Variants in KIAA1549L observed in about 807,000 individuals in gnomAD.
KIAA1549L encodes the protein KIAA1549 like.
KIAA1549L carries 88 observed loss-of-function variants against 160.7 expected under a neutral mutation model. The ratio of observed to expected loss-of-function variants is 0.55; its 90% confidence interval spans 0.46 to 0.65. KIAA1549L has a LOEUF of 0.65. Among genes scored for constraint, KIAA1549L ranks in the 30% least tolerant of loss-of-function variants. KIAA1549L has a pLI of 0.00. For synonymous variants in KIAA1549L, 950 were observed against 976.7 expected (o/e 0.97, Z 0.51); for missense variants, 2,258 against 2,437.5 (o/e 0.93, Z 1.55).
intron 1 of KIAA1549L, among the ~76,000 whole-genome samples, chr11:33,445,192 G>A (rs991567979): frequency 2.0e-5 from 3 of 152,186 alleles, no homozygotes; most frequent in African/African-American, 7.2e-5. Flanking sequence ...TCTGATGAGG[G>A]CACCATTCTT....
At chr11:33,472,275 CT>C (rs76771436) in intron 1 of KIAA1549L, among the ~76,000 whole-genome samples, 6,230 of 102,730 alleles carry the variant, frequency 0.061, 211 homozygotes, top group African/African-American at 0.17. Flanking sequence ...TCATGCCTGG[CT>C]TTTTTTTTTT....
chr11:33,592,848 G>T (rs149502475), intron 12 of KIAA1549L, among the ~76,000 whole-genome samples: 2 of 152,290 alleles, frequency 1.3e-5, no homozygotes, highest in African/African-American at 4.8e-5. Flanking sequence ...CCTGATTGAG[G>T]TATAAACCAC....
chr11:33,538,943 C>T (rs182540542), intron 1 of KIAA1549L, among the ~76,000 whole-genome samples: 1 of 152,204 alleles, frequency 6.6e-6, no homozygotes, highest in South Asian at 2.1e-4. Context: ...GGAAGTGCCC[C>T]CGTCCTGTTC....
At chr11:33,417,646 CT>C (rs1850915183) in intron 1 of KIAA1549L, among the ~76,000 whole-genome samples, 1 of 152,202 alleles carries the variant, frequency 6.6e-6, no homozygotes. Context: ...GGCTGCATTT[CT>C]CACATCCTCG....
intron 4 of KIAA1549L, among the ~76,000 whole-genome samples, chr11:33,548,188 C>T (rs1854329654): frequency 6.6e-6 from 1 of 152,116 alleles, no homozygotes; most frequent in Non-Finnish European, 1.5e-5. Context: ...CACTTGGGGT[C>T]AGGAGTTTGA....
chr11:33,509,336 C>T (rs999186170), intron 1 of KIAA1549L, among the ~76,000 whole-genome samples: 1 of 152,174 alleles, frequency 6.6e-6, no homozygotes, highest in Non-Finnish European at 1.5e-5. Context: ...GTACTTGCTC[C>T]CTGCTTATTC....
intron 4 of KIAA1549L, 31 bp downstream of exon 4, chr11:33,547,910 C>T (rs769252239): frequency 1.4e-6 from 2 of 1,384,834 alleles, no homozygotes; most frequent in Non-Finnish European, 2.0e-6. Context: ...CCAAGCTAAT[C>T]CATCACAGTC....
At chr11:33,666,877 A>T (rs148689872) in intron 20 of KIAA1549L, among the ~76,000 whole-genome samples, 101 of 152,326 alleles carry the variant, frequency 6.6e-4, no homozygotes, top group African/African-American at 2.3e-3. Context: ...TCTGCAAGGT[A>T]AGGCTAATAC....
chr11:33,594,554 A>T lies in KIAA1549L; in HGVS notation c.4751+3133A>T, dbSNP rs142326441. 6.0e-3 allele frequency among the ~76,000 whole-genome samples: 907 copies of T among 152,292 alleles called. 10 individuals are homozygous for T. Among genetic ancestry groups the T allele is most frequent in the Non-Finnish European group, 0.011 (746 of 68,032 alleles). On this transcript the variant is annotated intron_variant, in intron 12 of 20. Coordinates refer to ENST00000658780, the MANE Select transcript of KIAA1549L (RefSeq NM_012194.3). ...GCAGGCTAGTCCTGGCTTTCTCACA[A>T]TGTGGTTGCAGAGCAGCAAGAAAAA...
chr11:33,459,661 G>A (rs1851898579), intron 1 of KIAA1549L, among the ~76,000 whole-genome samples: 1 of 152,132 alleles, frequency 6.6e-6, no homozygotes, highest in Non-Finnish European at 1.5e-5. Flanking sequence ...TGTTTGGCTT[G>A]TAGAAATAGC....
intron 6 of KIAA1549L, 61 bp from the exon 7 acceptor site, chr11:33,559,688 T>C (rs545870127): frequency 2.0e-6 from 3 of 1,498,284 alleles, no homozygotes; most frequent in Admixed American, 3.4e-5. Flanking sequence ...ATGGCCTCCA[T>C]GAAACACACC....
At chr11:33,568,598 C>T (rs1442663860) in intron 9 of KIAA1549L, among the ~76,000 whole-genome samples, 2 of 152,096 alleles carry the variant, frequency 1.3e-5, no homozygotes, top group Non-Finnish European at 2.9e-5. Flanking sequence ...CCTTTTAGAC[C>T]CTCTCACCTC....
At chr11:33,582,075 C>T (rs1007039676) in intron 10 of KIAA1549L, among the ~76,000 whole-genome samples, 5 of 152,206 alleles carry the variant, frequency 3.3e-5, no homozygotes, top group Non-Finnish European at 2.9e-5. Context: ...TGACAGAATA[C>T]TCACATATAA....
At chr11:33,555,877 G>C (rs1391457835) in intron 6 of KIAA1549L, among the ~76,000 whole-genome samples, 2 of 152,064 alleles carry the variant, frequency 1.3e-5, no homozygotes, top group African/African-American at 4.8e-5. Flanking sequence ...GCAATTCATA[G>C]AATAAATGAA....
Position 33,452,992 on chromosome 11 carries a change from C to G in KIAA1549L, c.238+76103C>G, listed in dbSNP as rs150798320. 2.0e-5 allele frequency among the ~76,000 whole-genome samples: 3 copies of G among 152,352 alleles called. No individual in the cohort carries two copies. The East Asian group carries it at 5.8e-4, about 29-fold the overall frequency. On this transcript the variant is annotated intron_variant, in intron 1 of 20. Coordinates refer to ENST00000658780, the MANE Select transcript of KIAA1549L (RefSeq NM_012194.3). ...GACTCAGACATGGCCAGAATTGACT[C>G]ATGCTTATGCTTAAGAAGGAATCTT...
intron 1 of KIAA1549L, among the ~76,000 whole-genome samples, chr11:33,384,516 C>G (rs1850134175): frequency 6.6e-6 from 1 of 152,064 alleles, no homozygotes; most frequent in South Asian, 2.1e-4. Context: ...AACTGCCAAA[C>G]TGTTTTTCAA....
At chr11:33,656,152 AG>A in intron 18 of KIAA1549L, 43 bp downstream of exon 18, 1 of 1,485,510 alleles carries the variant, frequency 6.7e-7, no homozygotes, top group Non-Finnish European at 9.3e-7. Flanking sequence ...TATTTGGAAA[AG>A]GGTCAGTCCT....
chr11:33,638,679 G>A (rs1851508492), intron 16 of KIAA1549L, among the ~76,000 whole-genome samples: 1 of 151,984 alleles, frequency 6.6e-6, no homozygotes, highest in Non-Finnish European at 1.5e-5. Context: ...GGAATTTCTG[G>A]GTCATAGGGT....
At chr11:33,504,465 C>T (rs1853032617) in intron 1 of KIAA1549L, among the ~76,000 whole-genome samples, 1 of 151,910 alleles carries the variant, frequency 6.6e-6, no homozygotes, top group South Asian at 2.1e-4. Context: ...CCTTCCCTTT[C>T]CCTTTCTCTT....
Sources: gnomAD v4.1 joint callset for allele counts (sites outside exome capture counted in the v4.1 genomes callset) on GRCh38, gnomAD v4.1.1 for gene constraint, MANE v1.5 for transcripts, NCBI Gene and HGNC (gene_info 2026-07-23, HGNC 2026-07-21) for gene names.